Variants in METTL22 observed in about 807,000 individuals in gnomAD.
The protein encoded by METTL22 is methyltransferase 22, Kin17 lysine, also known as methyltransferase-like protein 22.
A neutral mutation model predicts 48.4 loss-of-function variants in METTL22; 51 were observed. The ratio of observed to expected loss-of-function variants is 1.05; its 90% CI spans 0.84 to 1.33. The LOEUF is 1.33. Ranked by LOEUF, METTL22 falls within the 40% of genes most tolerant of loss-of-function variation. METTL22 has a pLI of 0.00. For missense variants in METTL22, 678 were observed against 526.9 expected (o/e 1.29, Z -2.81); for synonymous variants, 255 against 214.1 (o/e 1.19, Z -1.67).
chr16:8,665,427 C>T, the METTL22 span, among the ~76,000 whole-genome samples: 3 of 152,230 alleles, frequency 2.0e-5, no homozygotes, highest in African/African-American at 7.2e-5. Context: ...TACAGCCTGG[C>T]ACCTTCCAGG....
chr16:8,639,088 C>T lies in METTL22; in HGVS notation c.701-3C>T. ...CTTTATGGCTTGCCCTCTGTCATTC[C>T]AGATGTCGGTGCAGATCTCTTGTCC... is the stretch of plus-strand genomic sequence containing the variant. On this transcript the variant is annotated splice_polypyrimidine_tract_variant and splice_region_variant and intron_variant, in intron 5 of 10. Coordinates refer to ENST00000381920, the MANE Select transcript of METTL22 (RefSeq NM_024109.4). 1 of 1,614,042 alleles carries T rather than the reference C, an allele frequency of 6.2e-7. No homozygotes were observed. The highest frequency in any genetic ancestry group is 8.5e-7 in the Non-Finnish European group (1 of 1,180,022).
chr16:8,642,127 A>T lies in METTL22; in HGVS notation c.827A>T (p.Asp276Val), dbSNP rs1332543162. The T allele has an allele frequency of 1.2e-6, 2 of 1,611,828 alleles. No homozygotes were observed. The highest frequency in any genetic ancestry group is 4.5e-5 in the East Asian group (2 of 44,888). Residue 276 changes from aspartate to valine, a missense_variant and splice_region_variant, in exon 8 of 11, where the codon GAT (aspartate) becomes GTT (valine). Transcript: ENST00000381920. ...AAAGTGTGCTTTTGTTCTTTCTTAG[A>T]TCCCAAGGTCCCCTTCAGTTGGTCA... is the stretch of plus-strand genomic sequence containing the variant. ...LDWLKDDLCT[D>V]PKVPFSWSQE...
chr16:8,623,465 G>C (rs2055931511), intron 1 of METTL22: 1 of 152,154 alleles, frequency 6.6e-6, no homozygotes, highest in South Asian at 2.1e-4. Context: ...ACATCTCTAA[G>C]TCCTGAGAGA....
At chr16:8,642,349 AGCT>A in intron 8 of METTL22, 111 bp from the exon 9 acceptor site, 1 of 1,267,624 alleles carries the variant, frequency 7.9e-7, no homozygotes, top group East Asian at 2.3e-5. Flanking sequence ...TAATTCTGGA[AGCT>A]GCTGCTGTTC....
chr16:8,651,386 C>CAAAAAAAAAAAAAAAAAAAAA (rs768911703), downstream of METTL22, among the ~76,000 whole-genome samples: 6 of 49,070 alleles, frequency 1.2e-4, no homozygotes, highest in African/African-American at 4.9e-4. Flanking sequence ...GACTCTGTCT[C>CAAAAAAAAAAAAAAAAAAAAA]AAAAAAAAAA....
the METTL22 span, among the ~76,000 whole-genome samples, chr16:8,664,082 G>T: frequency 6.8e-6 from 1 of 148,074 alleles, no homozygotes; most frequent in African/African-American, 2.6e-5. Flanking sequence ...TGCATTCTAA[G>T]TTTTTTAATT....
the METTL22 span, among the ~76,000 whole-genome samples, chr16:8,655,255 G>A: frequency 6.6e-6 from 1 of 152,200 alleles, no homozygotes; most frequent in Non-Finnish European, 1.5e-5. Context: ...TTCAGCTGTG[G>A]TCTCATCTGA....
intron 3 of METTL22, among the ~76,000 whole-genome samples, chr16:8,632,505 T>G (rs2141728198): frequency 6.6e-6 from 1 of 152,304 alleles, no homozygotes; most frequent in South Asian, 2.1e-4. Flanking sequence ...TACCCGGCCA[T>G]CTCGACACAT....
the METTL22 span, among the ~76,000 whole-genome samples, chr16:8,655,224 C>G: frequency 1.3e-5 from 2 of 152,170 alleles, no homozygotes; most frequent in Non-Finnish European, 2.9e-5. Flanking sequence ...GTCTTAAGAC[C>G]TCTGCTAAGG....
At chr16:8,652,979 C>T (rs117236442), downstream of METTL22, among the ~76,000 whole-genome samples, 15 of 152,326 alleles carry the variant, frequency 9.8e-5, no homozygotes, top group Admixed American at 6.5e-4. Context: ...AGTAAATGTG[C>T]TCTTAGATTA....
intron 2 of METTL22, among the ~76,000 whole-genome samples, 171 bp downstream of exon 2, chr16:8,625,969 A>T (rs1159647653): frequency 1.3e-5 from 2 of 151,932 alleles, no homozygotes; most frequent in African/African-American, 2.4e-5. Context: ...TGTACTCTGC[A>T]ATTTTTGTAT....
chr16:8,635,347 G>A lies in METTL22; in HGVS notation c.700+35G>A, dbSNP rs1404990473. The A allele has an allele frequency of 3.3e-6, 5 of 1,509,920 alleles. No homozygotes were observed. In the African/African-American group the frequency reaches 5.5e-5, roughly 17 times the overall value. The allele number at this position is 1,509,920 out of a possible 1,614,324, so 93.5% of individuals were successfully genotyped here. On this transcript the variant is annotated intron_variant, in intron 5 of 10. Coordinates refer to ENST00000381920, the MANE Select transcript of METTL22 (RefSeq NM_024109.4). ...TGACATCTCAGGCTGCAGGGAAGTA[G>A]TCACCTTCACAAAGCATGCACTGAC...
chr16:8,660,178 TTTTG>T, the METTL22 span, among the ~76,000 whole-genome samples: 86,922 of 150,912 alleles, frequency 0.58, 27,100 homozygotes, highest in East Asian at 0.89. Context: ...GTTTTTGTTT[TTTTG>T]TTTGTTTGTT....
chr16:8,650,401 C>T (rs1330457427), downstream of METTL22, among the ~76,000 whole-genome samples: 2 of 152,226 alleles, frequency 1.3e-5, no homozygotes, highest in Non-Finnish European at 2.9e-5. Context: ...TGTGTAACAG[C>T]AATGACCTTG....
At chr16:8,652,784 G>A (rs1417660045), downstream of METTL22, among the ~76,000 whole-genome samples, 1 of 152,162 alleles carries the variant, frequency 6.6e-6, no homozygotes, top group African/African-American at 2.4e-5. Context: ...ATATCAGTAG[G>A]TAACCAAGCT....
chr16:8,629,489 A>T lies in METTL22; in HGVS notation c.514+379A>T, dbSNP rs1018094367. On this transcript the variant is annotated intron_variant, in intron 3 of 10. Transcript: ENST00000381920. ...TAACTCAGCGTGTTGGGGGTGTGGGACAGGCTTGGCCTGGCTGGGCTGGCA... is the reference window on the plus strand; with the variant it reads ...TAACTCAGCGTGTTGGGGGTGTGGGTCAGGCTTGGCCTGGCTGGGCTGGCA... 2.6e-5 allele frequency among the ~76,000 whole-genome samples: 4 copies of T among 152,146 alleles called. No homozygotes were observed. The South Asian group carries it at 8.3e-4, about 32-fold the overall frequency.
intron 5 of METTL22, among the ~76,000 whole-genome samples, chr16:8,637,714 T>C (rs901614866): frequency 1.3e-5 from 2 of 152,198 alleles, no homozygotes; most frequent in Non-Finnish European, 2.9e-5. Context: ...TCCCACAAGC[T>C]GGCCGAGGGA....
downstream of METTL22, among the ~76,000 whole-genome samples, chr16:8,651,840 A>G (rs1332917750): frequency 2.0e-5 from 3 of 152,060 alleles, no homozygotes; most frequent in Admixed American, 1.3e-4. Flanking sequence ...TAGGGAGGAG[A>G]ACATCACACA....
rs887669420 is a variant in METTL22, at chr16:8,625,925, T to C, written c.133+127T>C. 2.7e-5 allele frequency: 31 copies of C among 1,167,120 alleles called. No homozygotes were observed. In the African/African-American group the frequency reaches 4.0e-4, roughly 15 times the overall value. 72.3% of individuals were successfully genotyped at this position (1,167,120 alleles called of 1,614,324 possible). A position where few individuals can be genotyped will look rare whatever the true frequency, so the allele number is the denominator to read the frequency against. The stretch of plus-strand genomic sequence containing the variant: ...TGTTATCCTCAGACCACTTTTTAAG[T>C]GCCCTTTTTTTCTTTATGATTTTTT... On this transcript the variant is annotated intron_variant, in intron 2 of 10. Coordinates refer to ENST00000381920, the MANE Select transcript of METTL22 (RefSeq NM_024109.4).
Sources: gnomAD v4.1 joint callset for allele counts (sites outside exome capture counted in the v4.1 genomes callset) on GRCh38, gnomAD v4.1.1 for gene constraint, MANE v1.5 for transcripts, NCBI Gene and HGNC (gene_info 2026-07-23, HGNC 2026-07-21) for gene names.